KIAA0319L: variants seen among roughly 807,000 people sequenced by gnomAD.
KIAA0319L encodes dyslexia-associated protein KIAA0319-like protein.
A neutral mutation model predicts 120.1 loss-of-function variants in KIAA0319L; 55 were observed. That is an observed-to-expected ratio of 0.46 (90% CI 0.37 to 0.57). The LOEUF is 0.57. Among genes scored for constraint, KIAA0319L ranks in the 20% least tolerant of loss-of-function variants. The pLI, the probability that KIAA0319L is intolerant of heterozygous loss-of-function variation, is 0.00. For synonymous variants in KIAA0319L, 398 were observed against 471.9 expected (o/e 0.84, Z 2.03); for missense variants, 1,049 against 1,255.3 (o/e 0.84, Z 2.48).
intron 3 of KIAA0319L, among the ~76,000 whole-genome samples, chr1:35,481,616 A>G (rs1644167983): frequency 6.6e-6 from 1 of 152,080 alleles, no homozygotes; most frequent in African/African-American, 2.4e-5. Context: ...CCCCCTTTTT[A>G]AAGCTTTATT....
chr1:35,495,602 T>G (rs1057039658), intron 3 of KIAA0319L, among the ~76,000 whole-genome samples: 5 of 152,110 alleles, frequency 3.3e-5, no homozygotes, highest in Admixed American at 2.6e-4. Context: ...GCAGAAAATA[T>G]ATATGTAAGA....
intron 1 of KIAA0319L, among the ~76,000 whole-genome samples, chr1:35,555,488 A>G (rs1647842775): frequency 6.6e-6 from 1 of 152,150 alleles, no homozygotes; most frequent in African/African-American, 2.4e-5. Context: ...CACCCAAGAA[A>G]AGGCTTTTGC....
chr1:35,514,829 C>T (rs1645615443), intron 2 of KIAA0319L, among the ~76,000 whole-genome samples: 1 of 152,162 alleles, frequency 6.6e-6, no homozygotes, highest in South Asian at 2.1e-4. Context: ...TTAGACAGAT[C>T]ACTGAGGCAG....
At chr1:35,452,284 A>G (rs2149091582) in intron 12 of KIAA0319L, among the ~76,000 whole-genome samples, 1 of 152,358 alleles carries the variant, frequency 6.6e-6, no homozygotes, top group South Asian at 2.1e-4. Flanking sequence ...TAGCAACTCT[A>G]TAAGCAAAGT....
At chr1:35,496,703 G>C (rs534895228) in intron 3 of KIAA0319L, among the ~76,000 whole-genome samples, 4 of 152,020 alleles carry the variant, frequency 2.6e-5, no homozygotes, top group Non-Finnish European at 5.9e-5. Context: ...CACCACTTTG[G>C]GAGGCCAAGG....
chr1:35,458,571 G>A (rs1642661459), intron 9 of KIAA0319L, among the ~76,000 whole-genome samples: 1 of 152,134 alleles, frequency 6.6e-6, no homozygotes, highest in African/African-American at 2.4e-5. Context: ...TAACCTTGTG[G>A]TTAAAAGCTT....
chr1:35,470,778 G>C lies in KIAA0319L; in HGVS notation c.1113+85C>G. 3 of 857,154 alleles carry C rather than the reference G, an allele frequency of 3.5e-6. No homozygotes were observed. The East Asian group carries it at 7.3e-5, about 21-fold the overall frequency. 53.1% of individuals were successfully genotyped at this position (857,154 alleles called of 1,614,324 possible). On this transcript the variant is annotated intron_variant, in intron 6 of 20. Coordinates refer to ENST00000325722, the MANE Select transcript of KIAA0319L (RefSeq NM_024874.5). ...CTAAAAGACTGTTTACAACTTAAGT[G>C]TAGACAGAAAATTATATGATATTCA...
rs906289214 is a variant in KIAA0319L, at chr1:35,453,832, G to A, written c.1781-143C>T. On this transcript the variant is annotated intron_variant, in intron 11 of 20. Transcript: ENST00000325722. The surrounding 1 kb of genome is among the most constrained non-coding windows in gnomAD (Gnocchi z 4.1). Reference sequence around the variant, plus strand: ...AGATACTGTGGGAGATGTGGTTACCGTCAGGGAGCACACAATAAAGAATAT... The same window carrying A: ...AGATACTGTGGGAGATGTGGTTACCATCAGGGAGCACACAATAAAGAATAT... 5.3e-5 allele frequency: 38 copies of A among 722,244 alleles called. No homozygotes were observed. Among genetic ancestry groups the A allele is most frequent in the Admixed American group, 2.1e-4 (7 of 32,660 alleles). 44.7% of individuals were successfully genotyped at this position (722,244 alleles called of 1,614,324 possible). A position where few individuals can be genotyped will look rare whatever the true frequency, so the allele number is the denominator to read the frequency against.
chr1:35,467,346 T>G (rs1643334338), intron 6 of KIAA0319L, among the ~76,000 whole-genome samples: 2 of 151,738 alleles, frequency 1.3e-5, no homozygotes. Context: ...TACTAATTTA[T>G]AAACTTAATA....
intron 2 of KIAA0319L, among the ~76,000 whole-genome samples, chr1:35,553,819 A>G (rs1647528601): frequency 6.6e-6 from 1 of 152,248 alleles, no homozygotes; most frequent in South Asian, 2.1e-4. Flanking sequence ...AATAATCTCT[A>G]GGAGGAAAGC....
chr1:35,452,558 T>C (rs1642141277), intron 12 of KIAA0319L, among the ~76,000 whole-genome samples: 1 of 152,238 alleles, frequency 6.6e-6, no homozygotes, highest in African/African-American at 2.4e-5. Flanking sequence ...TGGTAGCTCC[T>C]CCTGAAGCAC....
chr1:35,442,860 C>T lies in KIAA0319L; in HGVS notation c.2779+46G>A, dbSNP rs1641327959. ...CACCCACCCACTCAGTGCAGAACCA[C>T]ATTCAGCGCCAAACAGGCTGGCACT... On this transcript the variant is annotated intron_variant, in intron 18 of 20. Coordinates refer to ENST00000325722, the MANE Select transcript of KIAA0319L (RefSeq NM_024874.5). 4 of 1,613,212 alleles carry T rather than the reference C, an allele frequency of 2.5e-6. No individual in the cohort carries two copies. In the East Asian group the frequency reaches 8.9e-5, roughly 36 times the overall value.
At chr1:35,549,534 T>A (rs1351858531) in intron 2 of KIAA0319L, among the ~76,000 whole-genome samples, 1 of 152,166 alleles carries the variant, frequency 6.6e-6, no homozygotes, top group African/African-American at 2.4e-5. Context: ...GGTAGGGAAA[T>A]GTCAGTACAA....
At chr1:35,479,331 T>C (rs1007233633) in intron 3 of KIAA0319L, 119 bp from the exon 4 acceptor site, 5 of 761,276 alleles carry the variant, frequency 6.6e-6, no homozygotes, top group Admixed American at 5.7e-5. Context: ...ATCAAAAATA[T>C]TAAAGAAACT....
rs553027712 is a variant in KIAA0319L, at chr1:35,433,988, C to G, written c.*906G>C. On this transcript the variant is annotated 3_prime_UTR_variant, in exon 21 of 21. Coordinates refer to ENST00000325722, the MANE Select transcript of KIAA0319L (RefSeq NM_024874.5). ...AGGGCCCTGGCAGCGAGAGAGGCCA[C>G]CCGCCATCCCTGACACAGTCAATCC... 2.6e-5 allele frequency: 4 copies of G among 152,290 alleles called. No homozygotes were observed. In the South Asian group the frequency reaches 8.3e-4, roughly 32 times the overall value. 9.4% of individuals were successfully genotyped at this position (152,290 alleles called of 1,614,324 possible).
At chr1:35,482,902 T>C (rs547691281) in intron 3 of KIAA0319L, among the ~76,000 whole-genome samples, 1 of 152,350 alleles carries the variant, frequency 6.6e-6, no homozygotes, top group Admixed American at 6.5e-5. Flanking sequence ...CATATAATCT[T>C]GACAGAATTT....
intron 2 of KIAA0319L, among the ~76,000 whole-genome samples, chr1:35,512,925 TA>T (rs968324109): frequency 8.8e-5 from 12 of 136,408 alleles, no homozygotes; most frequent in African/African-American, 2.7e-4. Flanking sequence ...ACAGATTCAA[TA>T]AACCAGGGGC....
At position 35,460,178 on chromosome 1, in the gene KIAA0319L, A is replaced by C. The variant is rs1057394443; in HGVS notation, c.1427+127T>G. The C allele has an allele frequency of 1.0e-5, 8 of 774,954 alleles. No individual in the cohort carries two copies. The East Asian group carries it at 2.1e-4, about 20-fold the overall frequency. The allele number at this position is 774,954 out of a possible 1,614,324, so 48.0% of individuals were successfully genotyped here. A position where few individuals can be genotyped will look rare whatever the true frequency, so the allele number is the denominator to read the frequency against. On this transcript the variant is annotated intron_variant, in intron 9 of 20. Transcript: ENST00000325722. Reference sequence around the variant, plus strand: ...AGGGCTCAGAGAACCAATGGAACCAAAAGCTGTATTATCAACCAACTCCAC... The same window carrying C: ...AGGGCTCAGAGAACCAATGGAACCACAAGCTGTATTATCAACCAACTCCAC...
Position 35,442,951 on chromosome 1 carries a change from C to T in KIAA0319L, c.2734G>A (p.Glu912Lys), listed in dbSNP as rs1641335561. Reference protein sequence around the residue: ...KRCICDPFWMENFIKVQLRDG... With the variant: ...KRCICDPFWMKNFIKVQLRDG... ...CTCAGCTGCACCTTGATGAAATTCT[C>T]CATCCAAAAAGGGTCACAGATACAG... Residue 912 changes from glutamate (E) to lysine (K), a missense_variant, in exon 18 of 21, where the codon GAG (glutamate) becomes AAG (lysine). Coordinates refer to ENST00000325722, the MANE Select transcript of KIAA0319L (RefSeq NM_024874.5). The T allele has an allele frequency of 6.2e-7, 1 of 1,614,056 alleles. No individual in the cohort carries two copies. The highest frequency in any genetic ancestry group is 8.5e-7 in the Non-Finnish European group (1 of 1,180,030).
Sources: allele counts gnomAD v4.1 joint callset (sites outside exome capture counted in the v4.1 genomes callset), GRCh38; gene constraint gnomAD v4.1.1; non-coding constraint Gnocchi (gnomAD v3.1); transcripts MANE v1.5; gene names NCBI Gene and HGNC (gene_info 2026-07-23, HGNC 2026-07-21).